The following PFKFB3 variants were observed in gnomAD, a reference collection of about 807,000 sequenced individuals.
PFKFB3 encodes the protein 6-phosphofructo-2-kinase/fructose-2,6-biphosphatase 3, also known as 6-phosphofructo-2-kinase/fructose-2,6-bisphosphatase 3.
A neutral mutation model predicts 68.0 loss-of-function variants in PFKFB3; 33 were observed. The observed-to-expected ratio is 0.49, with a 90% CI of 0.37 to 0.65. The LOEUF is 0.65. Among genes scored for constraint, PFKFB3 ranks in the 30% least tolerant of loss-of-function variants. The pLI, the probability that PFKFB3 is intolerant of heterozygous loss-of-function variation, is 0.00. For missense variants in PFKFB3, 586 were observed against 712.2 expected, an observed-to-expected ratio of 0.82 and a Z score of 2.02; for synonymous variants, 315 against 288.2, an observed-to-expected ratio of 1.09 and a Z score of -0.94.
At chr10:6,192,373 T>C (rs1462804327) in intron 1 of PFKFB3, among the ~76,000 whole-genome samples, 2 of 150,584 alleles carry the variant, frequency 1.3e-5, no homozygotes, top group African/African-American at 4.9e-5. Flanking sequence ...CTTCTTTTTT[T>C]TTTTTTTTTT....
At chr10:6,208,574 G>T (rs1178321275) in intron 1 of PFKFB3, among the ~76,000 whole-genome samples, 1 of 152,016 alleles carries the variant, frequency 6.6e-6, no homozygotes, top group Non-Finnish European at 1.5e-5. Context: ...AGCTGGGTGG[G>T]TGATGTCCTA....
At chr10:6,211,239 T>C (rs1466112145) in intron 1 of PFKFB3, among the ~76,000 whole-genome samples, 2 of 152,192 alleles carry the variant, frequency 1.3e-5, no homozygotes, top group Admixed American at 1.3e-4. Flanking sequence ...CCTCCCTAAA[T>C]GTCTACTGCC....
intron 1 of PFKFB3, among the ~76,000 whole-genome samples, chr10:6,181,819 A>C (rs1032369133): frequency 6.7e-6 from 1 of 148,250 alleles, no homozygotes. Flanking sequence ...AAAAAAAAAA[A>C]GACAAATACT....
chr10:6,301,176 AC>A, the PFKFB3 span, among the ~76,000 whole-genome samples: 1 of 152,166 alleles, frequency 6.6e-6, no homozygotes. Flanking sequence ...GGAGGCATCC[AC>A]CATTGGGCTT....
the PFKFB3 span, among the ~76,000 whole-genome samples, chr10:6,322,268 T>G: frequency 6.6e-6 from 1 of 152,192 alleles, no homozygotes; most frequent in Non-Finnish European, 1.5e-5. Flanking sequence ...CTCACCAGTC[T>G]TTTTCCTTTA....
chr10:6,245,309 C>A (rs540363955), intron 14 of PFKFB3, among the ~76,000 whole-genome samples: 53 of 152,218 alleles, frequency 3.5e-4, no homozygotes, highest in African/African-American at 1.2e-3. Context: ...GTTGGCCAGA[C>A]TGGTCTCGAA....
Position 6,232,964 on chromosome 10 carries a change from C to A in PFKFB3, c.*22C>A. On this transcript the variant is annotated 3_prime_UTR_variant, in exon 15 of 15. Transcript: ENST00000379775. ...CTGAGGCAGACGTGTCGGTTCCATTCCATTTCCATTTCTGCAGCTTAGCTT... is the reference window on the plus strand; with the variant it reads ...CTGAGGCAGACGTGTCGGTTCCATTACATTTCCATTTCTGCAGCTTAGCTT... 3 of 1,592,570 alleles carry A rather than the reference C, an allele frequency of 1.9e-6. No individual in the cohort carries two copies. Among genetic ancestry groups the A allele is most frequent in the Non-Finnish European group, 2.6e-6 (3 of 1,160,650 alleles).
In PFKFB3 at chr10:6,222,838, C is replaced by G; in HGVS notation, c.1084-17C>G. 1.2e-6 allele frequency: 2 copies of G among 1,607,232 alleles called. No homozygotes were observed. Among genetic ancestry groups the G allele is most frequent in the Non-Finnish European group, 1.7e-6 (2 of 1,175,756 alleles). On this transcript the variant is annotated splice_polypyrimidine_tract_variant and intron_variant, in intron 10 of 14. Transcript: ENST00000379775. Reference sequence around the variant, plus strand: ...CGAGTGCCCTGAGCTCACGTGGGCCCGGCCCTCTGTGCTCAGTCCTACCAG... The same window carrying G: ...CGAGTGCCCTGAGCTCACGTGGGCCGGGCCCTCTGTGCTCAGTCCTACCAG...
At chr10:6,174,922 TCTCCTG>T (rs1308568355) in intron 1 of PFKFB3, among the ~76,000 whole-genome samples, 1 of 151,870 alleles carries the variant, frequency 6.6e-6, no homozygotes, top group Non-Finnish European at 1.5e-5. Flanking sequence ...TTCAAGGGGT[TCTCCTG>T]CCTTAGCCTC....
intron 1 of PFKFB3, among the ~76,000 whole-genome samples, chr10:6,169,567 A>G (rs1842243442): frequency 6.6e-6 from 1 of 152,140 alleles, no homozygotes; most frequent in African/African-American, 2.4e-5. Flanking sequence ...TCCTGGGATA[A>G]GATGGGTATG....
the PFKFB3 span, among the ~76,000 whole-genome samples, chr10:6,287,731 C>T: frequency 2.7e-4 from 41 of 152,284 alleles, 1 homozygote; most frequent in East Asian, 7.7e-3. Flanking sequence ...TGATTGCTGT[C>T]ATTAATTTCA....
intron 1 of PFKFB3, among the ~76,000 whole-genome samples, chr10:6,150,967 C>T (rs1841559154): frequency 6.6e-6 from 1 of 152,038 alleles, no homozygotes; most frequent in South Asian, 2.1e-4. Flanking sequence ...GCCACTGCAC[C>T]CTGGCCTGGG....
the PFKFB3 span, among the ~76,000 whole-genome samples, chr10:6,283,950 T>C: frequency 2.6e-5 from 4 of 152,146 alleles, no homozygotes; most frequent in Non-Finnish European, 5.9e-5. Context: ...CATTACCCTA[T>C]GCTTATAAAA....
intron 1 of PFKFB3, among the ~76,000 whole-genome samples, chr10:6,167,754 C>A (rs1343370333): frequency 6.6e-6 from 1 of 152,212 alleles, no homozygotes; most frequent in Non-Finnish European, 1.5e-5. Context: ...TGATGATCCT[C>A]TTTTCTTCCT....
chr10:6,202,768 C>A (rs1488928677), upstream of PFKFB3: 2 of 578,294 alleles, frequency 3.5e-6, no homozygotes, highest in Non-Finnish European at 4.4e-6. Context: ...GCACCGCCGT[C>A]GCCGGCCCGC....
intron 1 of PFKFB3, chr10:6,197,499 A>G (rs1427576858): frequency 6.6e-6 from 1 of 152,316 alleles, no homozygotes; most frequent in South Asian, 2.1e-4. Context: ...ATTTCTCAGA[A>G]CATATCCCCA....
intron 1 of PFKFB3, among the ~76,000 whole-genome samples, chr10:6,178,778 G>GC (rs1842613444): frequency 1.3e-5 from 2 of 152,250 alleles, no homozygotes; most frequent in South Asian, 4.1e-4. Flanking sequence ...AAGGCAGAGG[G>GC]CCTGGGGTGT....
intron 14 of PFKFB3, among the ~76,000 whole-genome samples, chr10:6,248,584 G>A (rs542344949): frequency 1.9e-4 from 25 of 132,916 alleles, no homozygotes; most frequent in South Asian, 1.8e-3. Context: ...AGCTGAGATC[G>A]TGCCACTGGA....
At chr10:6,175,303 C>T (rs542389425) in intron 1 of PFKFB3, among the ~76,000 whole-genome samples, 26 of 152,334 alleles carry the variant, frequency 1.7e-4, no homozygotes, top group African/African-American at 6.3e-4. Flanking sequence ...TCTTTCCCTC[C>T]TTTCCATCAT....
Sources: gnomAD v4.1 joint callset for allele counts (sites outside exome capture counted in the v4.1 genomes callset) on GRCh38, gnomAD v4.1.1 for gene constraint, MANE v1.5 for transcripts, NCBI Gene and HGNC (gene_info 2026-07-23, HGNC 2026-07-21) for gene names.